Variants in ERN1 observed in about 807,000 individuals in gnomAD.
The protein encoded by ERN1 is endoplasmic reticulum to nucleus signaling 1.
A neutral mutation model predicts 113.1 loss-of-function variants in ERN1; 39 were observed. The observed-to-expected ratio is 0.34, with a 90% CI of 0.27 to 0.45. The LOEUF (loss-of-function observed/expected upper bound fraction) is 0.45, where lower values mean the gene tolerates loss of function less well. ERN1 is among the 20% of genes least tolerant of loss of function. The pLI is 1.00. For synonymous variants in ERN1, 507 were observed against 515.9 expected (o/e 0.98, Z 0.23); for missense variants, 976 against 1,274.8 (o/e 0.77, Z 3.57).
chr17:64,060,842 C>A (rs1249201477), intron 10 of ERN1, among the ~76,000 whole-genome samples: 2 of 152,180 alleles, frequency 1.3e-5, no homozygotes, highest in Non-Finnish European at 2.9e-5. Context: ...TGACAGGGAT[C>A]AGGACATTTG....
At chr17:64,051,558 A>G (rs984735161) in intron 17 of ERN1, among the ~76,000 whole-genome samples, 5 of 152,244 alleles carry the variant, frequency 3.3e-5, no homozygotes, top group African/African-American at 1.2e-4. Context: ...AATACAAGGA[A>G]TACAGAGAAA....
chr17:64,071,177 T>C (rs556364145), intron 6 of ERN1, among the ~76,000 whole-genome samples: 1 of 152,316 alleles, frequency 6.6e-6, no homozygotes, highest in Admixed American at 6.5e-5. Context: ...ACTACAGGCC[T>C]GTTAACTGCT....
intron 1 of ERN1, among the ~76,000 whole-genome samples, chr17:64,115,539 C>G (rs900196146): frequency 6.6e-6 from 1 of 152,224 alleles, no homozygotes; most frequent in Non-Finnish European, 1.5e-5. Context: ...CTGCCCAGAG[C>G]AGTTCCAAGA....
chr17:64,089,195 T>C (rs986102528), intron 2 of ERN1, among the ~76,000 whole-genome samples: 1 of 151,462 alleles, frequency 6.6e-6, no homozygotes, highest in Non-Finnish European at 1.5e-5. Context: ...GGCAGGCACG[T>C]GTAGTCCCAG....
chr17:64,045,298 T>C, intron 20 of ERN1, 61 bp downstream of exon 20: 1 of 1,608,576 alleles, frequency 6.2e-7, no homozygotes, highest in Non-Finnish European at 8.5e-7. Flanking sequence ...CCACGTTTAC[T>C]TTTTGGAAAG....
chr17:64,068,064 C>A, intron 7 of ERN1, 126 bp downstream of exon 7: 1 of 670,598 alleles, frequency 1.5e-6, no homozygotes. Context: ...CATGAAAAGT[C>A]CATGGAAAGA....
intron 2 of ERN1, 141 bp downstream of exon 2, chr17:64,097,980 T>C: frequency 8.9e-7 from 1 of 1,129,624 alleles, no homozygotes; most frequent in Non-Finnish European, 1.2e-6. Context: ...CAGAATGCCT[T>C]TTCCTCTCTT....
intron 2 of ERN1, among the ~76,000 whole-genome samples, chr17:64,081,078 A>G (rs1913752288): frequency 6.6e-6 from 1 of 152,228 alleles, no homozygotes; most frequent in Non-Finnish European, 1.5e-5. Flanking sequence ...GCTTTCAAGA[A>G]ACTTGCATAT....
chr17:64,106,763 C>CACACACACA (rs373338585), intron 1 of ERN1, among the ~76,000 whole-genome samples: 52 of 138,546 alleles, frequency 3.8e-4, no homozygotes, highest in African/African-American at 1.5e-3. Context: ...CACACACACA[C>CACACACACA]AAGCTCGCTG....
Position 64,058,003 on chromosome 17 carries a change from G to A in ERN1, c.1207-10C>T. ...CAACCAGGTTGATAACCTTGCATGG[G>A]AGAGAGTTGCGACATCACTGCAAAA... On this transcript the variant is annotated splice_polypyrimidine_tract_variant and intron_variant, in intron 11 of 21. Transcript: ENST00000433197. The A allele has an allele frequency of 1.3e-6, 2 of 1,525,038 alleles. No homozygotes were observed. The highest frequency in any genetic ancestry group is 8.8e-7 in the Non-Finnish European group (1 of 1,136,246). 94.5% of individuals were successfully genotyped at this position (1,525,038 alleles called of 1,614,324 possible).
intron 1 of ERN1, among the ~76,000 whole-genome samples, chr17:64,115,214 G>T (rs1368338801): frequency 1.3e-5 from 2 of 152,158 alleles, no homozygotes; most frequent in African/African-American, 4.8e-5. Flanking sequence ...AAGTAGGCTG[G>T]CAAGGACTTC....
At chr17:64,111,384 T>G (rs1340135581) in intron 1 of ERN1, among the ~76,000 whole-genome samples, 1 of 151,936 alleles carries the variant, frequency 6.6e-6, no homozygotes, top group Non-Finnish European at 1.5e-5. Flanking sequence ...AGACAGAGTT[T>G]GACTCTTGTT....
At chr17:64,102,016 A>G (rs796510380) in intron 1 of ERN1, among the ~76,000 whole-genome samples, 17 of 152,272 alleles carry the variant, frequency 1.1e-4, no homozygotes, top group African/African-American at 4.1e-4. Flanking sequence ...CCGGTGGCTC[A>G]TGCCTGTAAT....
At chr17:64,127,757 C>CAAA (rs775462648) in intron 1 of ERN1, among the ~76,000 whole-genome samples, 3 of 87,984 alleles carry the variant, frequency 3.4e-5, no homozygotes, top group African/African-American at 7.3e-5. Flanking sequence ...AACTCCATAT[C>CAAA]AAAAAAAAAA....
At chr17:64,053,714 C>T (rs1166210109) in intron 15 of ERN1, among the ~76,000 whole-genome samples, 6 of 152,152 alleles carry the variant, frequency 3.9e-5, no homozygotes, top group African/African-American at 1.4e-4. Flanking sequence ...TCCAAGCCCA[C>T]ACCAGCCATG....
chr17:64,071,995 T>C lies in ERN1; in HGVS notation c.464A>G (p.Tyr155Cys), dbSNP rs761854769. 1.9e-6 allele frequency: 3 copies of C among 1,573,754 alleles called. No individual in the cohort carries two copies. Among genetic ancestry groups the C allele is most frequent in the African/African-American group, 1.3e-5 (1 of 74,200 alleles). Residue 155 changes from tyrosine to cysteine, a missense_variant, in exon 6 of 22, where the codon TAT becomes TGT. This residue lies in a region of ERN1 where 459 missense variants were observed against 581.2 expected (regional missense o/e 0.79). Coordinates refer to ENST00000433197, the MANE Select transcript of ERN1 (RefSeq NM_001433.5). ...TCATTTCTTACCTGTTCGCCCAAGA[T>C]ACAGAAGAGAGGTTGATGGGCAGAG... is the stretch of plus-strand genomic sequence containing the variant. ...DSLCPSTSLL[Y>C]LGRTEYTITM...
chr17:64,089,818 G>C (rs1914039709), intron 2 of ERN1, among the ~76,000 whole-genome samples: 2 of 152,176 alleles, frequency 1.3e-5, no homozygotes, highest in Middle Eastern at 3.4e-3. Context: ...TTTAACCCTG[G>C]CTGACAGGTA....
chr17:64,063,898 C>A lies in ERN1; in HGVS notation c.1087+88G>T. The stretch of plus-strand genomic sequence containing the variant: ...CTCTGAGCACAAGGCCTTCCGAGCT[C>A]AGTACGGTGTAACTACCAGGGCCGG... On this transcript the variant is annotated intron_variant, in intron 10 of 21. Transcript: ENST00000433197. The surrounding 1 kb of genome is among the most constrained non-coding windows in gnomAD (Gnocchi z 5.1). 1 of 1,316,308 alleles carries A rather than the reference C, an allele frequency of 7.6e-7. No homozygotes were observed. The allele number at this position is 1,316,308 out of a possible 1,614,324, so 81.5% of individuals were successfully genotyped here. A position where few individuals can be genotyped will look rare whatever the true frequency, so the allele number is the denominator to read the frequency against.
intron 3 of ERN1, among the ~76,000 whole-genome samples, chr17:64,080,234 C>T (rs1913725268): frequency 6.6e-6 from 1 of 152,196 alleles, no homozygotes; most frequent in Admixed American, 6.5e-5. Context: ...CAGAGAGAAC[C>T]CGCCAAGGGG....
Sources: allele counts gnomAD v4.1 joint callset (sites outside exome capture counted in the v4.1 genomes callset), GRCh38; gene constraint gnomAD v4.1.1; regional missense constraint gnomAD v4.1.1; non-coding constraint Gnocchi (gnomAD v3.1); transcripts MANE v1.5; gene names NCBI Gene and HGNC (gene_info 2026-07-23, HGNC 2026-07-21).